AEBP1: variants seen among roughly 807,000 people sequenced by gnomAD.
AEBP1 encodes AE binding protein 1, also known as adipocyte enhancer-binding protein 1.
AEBP1 carries 69 observed loss-of-function variants against 116.5 expected under a neutral mutation model. The observed-to-expected ratio is 0.59, with a 90% CI of 0.49 to 0.72. The LOEUF (loss-of-function observed/expected upper bound fraction) is 0.72, where lower values mean the gene tolerates loss of function less well. Ranked by LOEUF, AEBP1 falls within the 30% of genes least tolerant of loss-of-function variation. The probability of loss-of-function intolerance (pLI) is 0.00; values close to 1 mark genes in which losing one functional copy is unlikely to be tolerated. For missense variants in AEBP1, 1,444 were observed against 1,557.5 expected, an observed-to-expected ratio of 0.93 and a Z score of 1.23; for synonymous variants, 627 against 627.3, an observed-to-expected ratio of 1.00 and a Z score of 0.01.
At position 44,113,410 on chromosome 7, in the gene AEBP1, G is replaced by T. The variant is rs2096232275; in HGVS notation, c.2809+59G>T. 1 of 1,528,624 alleles carries T rather than the reference G, an allele frequency of 6.5e-7. No individual in the cohort carries two copies. Among genetic ancestry groups the T allele is most frequent in the East Asian group, 2.4e-5 (1 of 41,098 alleles). The allele number at this position is 1,528,624 out of a possible 1,614,324, so 94.7% of individuals were successfully genotyped here. Reference sequence around the variant, plus strand: ...TGAGGGAGGACCCGCCAGAGAGGGTGGGGGCTTGAGGAACTCAGCGAGCAG... The same window carrying T: ...TGAGGGAGGACCCGCCAGAGAGGGTTGGGGCTTGAGGAACTCAGCGAGCAG... On this transcript the variant is annotated intron_variant, in intron 20 of 20. Transcript: ENST00000223357. The surrounding 1 kb of genome is among the most constrained non-coding windows in gnomAD (Gnocchi z 5.3).
intron 7 of AEBP1, 36 bp from the exon 8 acceptor site, chr7:44,109,071 C>T (rs377229782): frequency 4.2e-5 from 68 of 1,612,772 alleles, no homozygotes; most frequent in Non-Finnish European, 5.8e-5. Flanking sequence ...AGCCCAGAGC[C>T]AGGCTGACTG....
chr7:44,106,489 C>A, intron 1 of AEBP1, 57 bp from the exon 2 acceptor site: 1 of 1,503,104 alleles, frequency 6.7e-7, no homozygotes, highest in Non-Finnish European at 8.9e-7. Context: ...AGAGAGGGGC[C>A]TCATGGGGGC....
rs762526270 is a variant in AEBP1, at chr7:44,108,983, G to A, written c.1018+7G>A. 3.7e-6 allele frequency: 6 copies of A among 1,604,884 alleles called. No homozygotes were observed. Among genetic ancestry groups the A allele is most frequent in the Middle Eastern group, 1.7e-4 (1 of 6,048 alleles). On this transcript the variant is annotated splice_region_variant and intron_variant, in intron 7 of 20. Transcript: ENST00000223357. This position sits in a 1 kb window ranked among gnomAD's most constrained non-coding sequence, Gnocchi z 5.0. ...GAAGAGAAGGAGGAGCTGAGTGAGT[G>A]GGACCAAGGACTTCCCACACCAGGC... is the stretch of plus-strand genomic sequence containing the variant.
At position 44,113,099 on chromosome 7, in the gene AEBP1, A is replaced by G. The variant is rs2096231753; in HGVS notation, c.2678A>G (p.Asn893Ser). 4 of 1,613,938 alleles carry G rather than the reference A, an allele frequency of 2.5e-6. No homozygotes were observed. The highest frequency in any genetic ancestry group is 1.3e-5 in the African/African-American group (1 of 74,918). ...ESELPREWEN[N>S]KEALLTFMEQ... is the part of the protein sequence containing the mutation. ...GAGCTGCCCCGCGAGTGGGAGAACA[A>G]CAAGGAGGCGCTGCTCACCTTCATG... The change falls in exon 19 of 21, where the codon AAC becomes AGC. Residue 893 changes from asparagine to serine, a missense_variant. By Grantham distance (46) the Asn-to-Ser change is conservative (BLOSUM62 1). Transcript: ENST00000223357. This position sits in a 1 kb window ranked among gnomAD's most constrained non-coding sequence, Gnocchi z 5.3.
intron 1 of AEBP1, among the ~76,000 whole-genome samples, chr7:44,105,723 T>G (rs1228705940): frequency 6.6e-6 from 1 of 152,186 alleles, no homozygotes; most frequent in African/African-American, 2.4e-5. Context: ...GGCACCGCTC[T>G]AGCAGCCCTG....
Position 44,110,920 on chromosome 7 carries a change from A to T in AEBP1, c.1493A>T (p.His498Leu), listed in dbSNP as rs780509686. 6.2e-7 allele frequency: 1 copy of T among 1,613,906 alleles called. No homozygotes were observed. The highest frequency in any genetic ancestry group is 1.1e-5 in the South Asian group (1 of 91,086). Residue 498 changes from histidine (H) to leucine (L), a missense_variant, in exon 13 of 21, where the codon CAT becomes CTT. Transcript: ENST00000223357. ...YTNGYEEMTF[H>L]GNVDKDTPVL... The stretch of plus-strand genomic sequence containing the variant: ...AGGCCTGCCTCTCCCCAGACCTTTC[A>T]TGGGAACGTGGACAAGGACACACCC...
At chr7:44,105,708 T>C (rs1397632447) in intron 1 of AEBP1, among the ~76,000 whole-genome samples, 1 of 152,136 alleles carries the variant, frequency 6.6e-6, no homozygotes, top group East Asian at 1.9e-4. Context: ...CTCTCCTGGC[T>C]CTGGGGCACC....
rs1416292560 is a variant in AEBP1 at position 44,107,610 on chromosome 7, A to G, written c.668-19A>G. 2 of 1,613,560 alleles carry G rather than the reference A, an allele frequency of 1.2e-6. No homozygotes were observed. The highest frequency in any genetic ancestry group is 2.2e-5 in the East Asian group (1 of 44,862). ...GCCTGGGTGGGGTTGTCAGGCAGCT[A>G]CCAGCGCTTTCCCCTCAGAGCCGGA... On this transcript the variant is annotated intron_variant, in intron 3 of 20. Coordinates refer to ENST00000223357, the MANE Select transcript of AEBP1 (RefSeq NM_001129.5). The surrounding 1 kb of genome is among the most constrained non-coding windows in gnomAD (Gnocchi z 4.3).
chr7:44,109,837 G>A (rs1275809151), intron 9 of AEBP1, 178 bp from the exon 10 acceptor site: 4 of 620,632 alleles, frequency 6.4e-6, no homozygotes, highest in Non-Finnish European at 1.1e-5. Flanking sequence ...TCCTGGCCTG[G>A]CTTTGAGTCG....
At chr7:44,109,462 T>C (rs191273456) in intron 9 of AEBP1, 121 bp downstream of exon 9, 265 of 1,217,648 alleles carry the variant, frequency 2.2e-4, no homozygotes, top group Non-Finnish European at 2.7e-4. Context: ...ACTCAGATTC[T>C]TGGGACCCAG....
chr7:44,114,491 G>T lies in AEBP1; in HGVS notation c.*230G>T. On this transcript the variant is annotated 3_prime_UTR_variant, in exon 21 of 21. Transcript: ENST00000223357. ...ACCTGCCAGTCTCGTAAGAGATGGG[G>T]TTGCTGCAGTGTTGGAGTAGGGGCA... 1.6e-6 allele frequency: 1 copy of T among 633,936 alleles called. No homozygotes were observed. Among genetic ancestry groups the T allele is most frequent in the Admixed American group, 2.9e-5 (1 of 34,012 alleles). 39.3% of individuals were successfully genotyped at this position (633,936 alleles called of 1,614,324 possible).
At position 44,112,072 on chromosome 7, in the gene AEBP1, G is replaced by A. The variant is rs746398517; in HGVS notation, c.2037+22G>A. On this transcript the variant is annotated intron_variant, in intron 16 of 20. Coordinates refer to ENST00000223357, the MANE Select transcript of AEBP1 (RefSeq NM_001129.5). This position sits in a 1 kb window ranked among gnomAD's most constrained non-coding sequence, Gnocchi z 6.6. Reference sequence around the variant, plus strand: ...GATGGTGGGTTGAAGGGTGAGGCTGGCCAGGGTCCAGGCAGCTGGGGGTTG... The same window carrying A: ...GATGGTGGGTTGAAGGGTGAGGCTGACCAGGGTCCAGGCAGCTGGGGGTTG... 5.0e-6 allele frequency: 8 copies of A among 1,608,334 alleles called. No homozygotes were observed. Among genetic ancestry groups the A allele is most frequent in the Admixed American group, 1.7e-5 (1 of 59,936 alleles).
chr7:44,114,184 G>C lies in AEBP1; in HGVS notation c.3400G>C (p.Glu1134Gln). Reference sequence around the variant, plus strand: ...TGAGGAAGAGGAGGAGGAGGAGAAAGAGGAGGAGATAGCCACTGGCCAGGC... The same window carrying C: ...TGAGGAAGAGGAGGAGGAGGAGAAACAGGAGGAGATAGCCACTGGCCAGGC... The part of the protein sequence containing the change: ...EFEEEEEEEK[E>Q]EEIATGQAFP... The change falls in exon 21 of 21, where the codon GAG becomes CAG. Residue 1134 changes from glutamate to glutamine, a missense_variant. Physicochemically the swap from Glu to Gln is conservative, Grantham distance 29. Coordinates refer to ENST00000223357, the MANE Select transcript of AEBP1 (RefSeq NM_001129.5). 1 of 1,613,980 alleles carries C rather than the reference G, an allele frequency of 6.2e-7. No homozygotes were observed. Among genetic ancestry groups the C allele is most frequent in the South Asian group, 1.1e-5 (1 of 91,086 alleles).
chr7:44,109,740 C>T (rs944463332), intron 9 of AEBP1: 7 of 574,138 alleles, frequency 1.2e-5, no homozygotes, highest in African/African-American at 5.6e-5. Context: ...ACGTGTGTCC[C>T]CTGAGAGCTG....
rs73693653 is a variant in AEBP1 at position 44,112,067 on chromosome 7, G to A, written c.2037+17G>A. ...GCGCAGATGGTGGGTTGAAGGGTGA[G>A]GCTGGCCAGGGTCCAGGCAGCTGGG... On this transcript the variant is annotated intron_variant, in intron 16 of 20. Coordinates refer to ENST00000223357, the MANE Select transcript of AEBP1 (RefSeq NM_001129.5). This position sits in a 1 kb window ranked among gnomAD's most constrained non-coding sequence, Gnocchi z 6.6. The A allele has an allele frequency of 2.0e-3, 3,264 of 1,609,130 alleles. 58 individuals carry two copies. In the African/African-American group the frequency reaches 0.039, roughly 19 times the overall value.
At position 44,113,155 on chromosome 7, in the gene AEBP1, G is replaced by C; in HGVS notation, c.2709+25G>C. The C allele has an allele frequency of 6.2e-7, 1 of 1,613,656 alleles. No homozygotes were observed. Among genetic ancestry groups the C allele is most frequent in the Non-Finnish European group, 8.5e-7 (1 of 1,179,796 alleles). Reference sequence around the variant, plus strand: ...GGTGGGGTGGCTAGGGCAATGCCTGGGGAGAGGAGGCTGCACAGGCTCCTG... The same window carrying C: ...GGTGGGGTGGCTAGGGCAATGCCTGCGGAGAGGAGGCTGCACAGGCTCCTG... On this transcript the variant is annotated intron_variant, in intron 19 of 20. Transcript: ENST00000223357. The surrounding 1 kb of genome is among the most constrained non-coding windows in gnomAD (Gnocchi z 5.3).
Position 44,113,292 on chromosome 7 carries a change from G to T in AEBP1, c.2750G>T (p.Gly917Val). Residue 917 changes from glycine to valine, a missense_variant, in exon 20 of 21, where the codon GGC (glycine) becomes GTC (valine). Physicochemically the swap from Gly to Val is moderately radical, Grantham distance 109. Transcript: ENST00000223357. This position sits in a 1 kb window ranked among gnomAD's most constrained non-coding sequence, Gnocchi z 5.3. ...GIKGVVTDEQ[G>V]IPIANATISV... ...AAGGGGGTGGTGACGGACGAGCAAGGCATCCCCATTGCCAACGCCACCATC... is the reference window on the plus strand; with the variant it reads ...AAGGGGGTGGTGACGGACGAGCAAGTCATCCCCATTGCCAACGCCACCATC... The T allele has an allele frequency of 1.2e-6, 2 of 1,613,650 alleles. No homozygotes were observed. The highest frequency in any genetic ancestry group is 8.5e-7 in the Non-Finnish European group (1 of 1,179,890).
Position 44,112,790 on chromosome 7 carries a change from T to C in AEBP1, c.2450T>C (p.Ile817Thr). 6.2e-7 allele frequency: 1 copy of C among 1,612,406 alleles called. No individual in the cohort carries two copies. Among genetic ancestry groups the C allele is most frequent in the Non-Finnish European group, 8.5e-7 (1 of 1,179,896 alleles). ...CACGCCATCTTCCGGTGGCTTGCCA[T>C]CTCCTTCGCCTCCGCACACCTCACC... is the stretch of plus-strand genomic sequence containing the variant. ...PDHAIFRWLAISFASAHLTLT... is the reference protein window; with the variant it reads ...PDHAIFRWLATSFASAHLTLT... Residue 817 changes from isoleucine to threonine, a missense_variant, in exon 18 of 21, where the codon ATC becomes ACC. Physicochemically the swap from Ile to Thr is moderately conservative, Grantham distance 89 (BLOSUM62 -1). Coordinates refer to ENST00000223357, the MANE Select transcript of AEBP1 (RefSeq NM_001129.5). This position sits in a 1 kb window ranked among gnomAD's most constrained non-coding sequence, Gnocchi z 6.6.
In AEBP1 at chr7:44,112,719, G is replaced by T. The variant is rs142028646; in HGVS notation, c.2379G>T (p.Arg793=). The change falls in exon 18 of 21, where the codon CGG becomes CGT. Residue 793 remains arginine (R), a synonymous_variant. Transcript: ENST00000223357. This position sits in a 1 kb window ranked among gnomAD's most constrained non-coding sequence, Gnocchi z 6.6. ...QLLAAAMAAA[R]GEDEDEVSEA... is the part of the protein sequence containing the mutation. ...TGGCCGCAGCCATGGCAGCAGCCCG[G>T]GGGGAGGATGAGGACGAGGTCTCCG... 1.6e-5 allele frequency: 26 copies of T among 1,613,148 alleles called. No homozygotes were observed. The African/African-American group carries it at 3.1e-4, about 19-fold the overall frequency.
Sources: gnomAD v4.1 joint callset for allele counts (sites outside exome capture counted in the v4.1 genomes callset) on GRCh38, gnomAD v4.1.1 for gene constraint, Gnocchi (gnomAD v3.1) non-coding constraint, MANE v1.5 for transcripts, NCBI Gene and HGNC (gene_info 2026-07-23, HGNC 2026-07-21) for gene names.